The following PPP1R12A variants were observed in gnomAD, a reference collection of about 807,000 sequenced individuals.
PPP1R12A encodes the protein protein phosphatase 1 regulatory subunit 12A.
Under a neutral mutation model 139.6 loss-of-function variants are expected in PPP1R12A, and 19 were observed. The observed-to-expected ratio is 0.14, with a 90% confidence interval of 0.09 to 0.20. The LOEUF (loss-of-function observed/expected upper bound fraction) is 0.20. Ranked by LOEUF, PPP1R12A falls within the 10% of genes least tolerant of loss-of-function variation. The pLI is 1.00. For missense variants in PPP1R12A, 925 were observed against 1,211.5 expected (o/e 0.76, Z 3.51); for synonymous variants, 427 against 420.6 (o/e 1.02, Z -0.19).
chr12:79,910,434 C>T (rs967961563), intron 1 of PPP1R12A, among the ~76,000 whole-genome samples: 2 of 151,560 alleles, frequency 1.3e-5, no homozygotes, highest in Non-Finnish European at 2.9e-5. Flanking sequence ...TGAGCCGAGA[C>T]GGCGCCACTG....
At chr12:79,900,349 C>T (rs1308144017) in intron 1 of PPP1R12A, among the ~76,000 whole-genome samples, 1 of 152,132 alleles carries the variant, frequency 6.6e-6, no homozygotes, top group Admixed American at 6.6e-5. Flanking sequence ...ACAGAGGCAG[C>T]AAATAAGCTC....
At chr12:79,809,083 C>A (rs1181488945) in intron 10 of PPP1R12A, among the ~76,000 whole-genome samples, 1 of 152,034 alleles carries the variant, frequency 6.6e-6, no homozygotes, top group Non-Finnish European at 1.5e-5. Context: ...CACTCTGATA[C>A]ATTCCTAGTA....
At chr12:79,820,698 A>C in intron 8 of PPP1R12A, 76 bp downstream of exon 8, 2 of 1,508,206 alleles carry the variant, frequency 1.3e-6, no homozygotes, top group Non-Finnish European at 1.8e-6. Flanking sequence ...TGAAAAATTT[A>C]AAAATTACGT....
At chr12:79,819,029 C>G (rs563828010) in intron 8 of PPP1R12A, 1 of 152,130 alleles carries the variant, frequency 6.6e-6, no homozygotes, top group South Asian at 2.1e-4. Context: ...TGGGTTAATT[C>G]TTGAGACAGA....
intron 2 of PPP1R12A, among the ~76,000 whole-genome samples, chr12:79,845,816 C>A (rs1230456017): frequency 2.0e-5 from 1 of 50,108 alleles, no homozygotes. Flanking sequence ...AAAACAAAAC[C>A]ATCTAGAGCA....
chr12:79,858,197 C>G (rs571791985), intron 2 of PPP1R12A, among the ~76,000 whole-genome samples: 1 of 152,296 alleles, frequency 6.6e-6, no homozygotes, highest in East Asian at 1.9e-4. Flanking sequence ...CAAATTACTA[C>G]TTCATTCTCC....
intron 1 of PPP1R12A, among the ~76,000 whole-genome samples, chr12:79,878,716 C>T (rs1258153073): frequency 6.6e-6 from 1 of 152,058 alleles, no homozygotes; most frequent in Admixed American, 6.5e-5. Context: ...CAGGAAAAGT[C>T]CCTTATAAAA....
chr12:79,929,163 G>A (rs980502800), intron 1 of PPP1R12A, among the ~76,000 whole-genome samples: 1 of 152,058 alleles, frequency 6.6e-6, no homozygotes, highest in Non-Finnish European at 1.5e-5. Flanking sequence ...CCTCAGAAGC[G>A]CAGTTCACAA....
At chr12:79,860,188 A>G (rs1313296683) in intron 2 of PPP1R12A, among the ~76,000 whole-genome samples, 1 of 152,244 alleles carries the variant, frequency 6.6e-6, no homozygotes, top group Admixed American at 6.5e-5. Context: ...GCAAAATTAA[A>G]TAACAGAAAA....
chr12:79,807,785 A>C (rs1874028841), intron 11 of PPP1R12A, among the ~76,000 whole-genome samples: 1 of 152,050 alleles, frequency 6.6e-6, no homozygotes, highest in South Asian at 2.1e-4. Context: ...CACACCTGTA[A>C]CCCAGCACTT....
At chr12:79,861,259 C>T (rs940847738) in intron 2 of PPP1R12A, among the ~76,000 whole-genome samples, 6 of 152,188 alleles carry the variant, frequency 3.9e-5, no homozygotes, top group African/African-American at 1.4e-4. Flanking sequence ...CTCTCAATGA[C>T]CAAAGATGGT....
chr12:79,912,095 G>A (rs369766909), intron 1 of PPP1R12A, among the ~76,000 whole-genome samples: 33 of 152,118 alleles, frequency 2.2e-4, no homozygotes, highest in African/African-American at 7.7e-4. Flanking sequence ...GCTTTGCTCT[G>A]ACCAGAACCT....
intron 5 of PPP1R12A, chr12:79,825,272 C>T (rs552961261): frequency 5.4e-4 from 82 of 152,174 alleles, no homozygotes; most frequent in African/African-American, 1.9e-3. Flanking sequence ...TTTATAATGA[C>T]AGTTATATTA....
intron 15 of PPP1R12A, among the ~76,000 whole-genome samples, chr12:79,797,697 G>A (rs140314375): frequency 0.01 from 1,560 of 152,058 alleles, 15 homozygotes; most frequent in African/African-American, 0.02. Flanking sequence ...ATATATGTCT[G>A]TGTGTGTGTA....
intron 1 of PPP1R12A, among the ~76,000 whole-genome samples, chr12:79,919,365 A>C (rs1887255085): frequency 6.6e-6 from 1 of 150,984 alleles, no homozygotes; most frequent in African/African-American, 2.4e-5. Flanking sequence ...GACCAGCCTG[A>C]CCAACATGGT....
At chr12:79,932,955 C>A (rs995821092) in intron 1 of PPP1R12A, among the ~76,000 whole-genome samples, 1 of 152,138 alleles carries the variant, frequency 6.6e-6, no homozygotes, top group African/African-American at 2.4e-5. Context: ...CAGTAATAAT[C>A]GTCTTTCAAA....
chr12:79,839,959 T>G (rs1261343585), intron 3 of PPP1R12A, among the ~76,000 whole-genome samples: 1 of 152,244 alleles, frequency 6.6e-6, no homozygotes, highest in African/African-American at 2.4e-5. Flanking sequence ...GCCCCTATAC[T>G]TTTGTTTCTT....
rs183293614 is a variant in PPP1R12A, at chr12:79,919,085, C to A, written c.237+15610G>T. On this transcript the variant is annotated intron_variant, in intron 1 of 24. Coordinates refer to ENST00000450142, the MANE Select transcript of PPP1R12A (RefSeq NM_002480.3). ...GAGCTGAGATCACGCCACTGTACTC[C>A]AGACAGAGCAAGACTCTTGTCTTAA... Among the ~76,000 whole-genome samples, 409 of 152,042 alleles carry A rather than the reference C, an allele frequency of 2.7e-3. 2 individuals are homozygous for A. The highest frequency in any genetic ancestry group is 9.5e-3 in the African/African-American group (395 of 41,460).
At chr12:79,785,532 T>G (rs1288545885) in intron 22 of PPP1R12A, among the ~76,000 whole-genome samples, 2 of 152,080 alleles carry the variant, frequency 1.3e-5, no homozygotes, top group Admixed American at 6.5e-5. Context: ...CAGATCTGGA[T>G]ATGCTGTTTT....
Sources: gnomAD v4.1 joint callset for allele counts (sites outside exome capture counted in the v4.1 genomes callset) on GRCh38, gnomAD v4.1.1 for gene constraint, MANE v1.5 for transcripts, NCBI Gene and HGNC (gene_info 2026-07-23, HGNC 2026-07-21) for gene names.